The following GOPC variants were observed in gnomAD, a reference collection of about 807,000 sequenced individuals.
The protein encoded by GOPC is Golgi-associated PDZ and coiled-coil motif-containing protein.
In GOPC, 32 loss-of-function variants were observed where a neutral mutation model predicts 51.2. The ratio of observed to expected loss-of-function variants is 0.63; its 90% confidence interval spans 0.47 to 0.84. The LOEUF (loss-of-function observed/expected upper bound fraction) is 0.84, where lower values mean the gene tolerates loss of function less well. Among genes scored for constraint, GOPC ranks in the 40% least tolerant of loss-of-function variants. GOPC has a pLI of 0.00. For missense variants in GOPC, 441 were observed against 555.5 expected (o/e 0.79, Z 2.07); for synonymous variants, 190 against 205.1 (o/e 0.93, Z 0.63).
rs772421140 is a variant in GOPC, at chr6:117,578,991, T to G, written c.359A>C (p.His120Pro). 1.2e-6 allele frequency: 2 copies of G among 1,612,422 alleles called. No individual in the cohort carries two copies. Among genetic ancestry groups the G allele is most frequent in the Admixed American group, 3.3e-5 (2 of 59,756 alleles). Reference protein sequence around the residue: ...AEKVVLEKEVHDQLLQLHSIQ... With the variant: ...AEKVVLEKEVPDQLLQLHSIQ... Reference sequence around the variant, plus strand: ...AGAGTGCAGCTGTAAAAGCTGATCATGTACTTCTTTCTCCAAAACAACTTT... The same window carrying G: ...AGAGTGCAGCTGTAAAAGCTGATCAGGTACTTCTTTCTCCAAAACAACTTT... Residue 120 changes from histidine (H) to proline (P), a missense_variant, in exon 2 of 9, where the codon CAT (histidine) becomes CCT (proline). Transcript: ENST00000368498.
chr6:117,593,491 C>T (rs1780149141), intron 1 of GOPC, among the ~76,000 whole-genome samples: 1 of 152,206 alleles, frequency 6.6e-6, no homozygotes, highest in Admixed American at 6.5e-5. Flanking sequence ...TTCTTGCTAT[C>T]TATTCAGCCA....
chr6:117,600,817 A>G (rs989465481), intron 1 of GOPC, among the ~76,000 whole-genome samples: 2 of 152,368 alleles, frequency 1.3e-5, no homozygotes, highest in Middle Eastern at 3.4e-3. Context: ...CCTTCATATT[A>G]GCACTTTCTA....
At chr6:117,570,160 G>A (rs1023372220) in intron 6 of GOPC, among the ~76,000 whole-genome samples, 5 of 151,202 alleles carry the variant, frequency 3.3e-5, no homozygotes, top group African/African-American at 1.2e-4. Flanking sequence ...TTATATCATT[G>A]TTGCGTGTGT....
chr6:117,598,341 C>T (rs1771916563), intron 1 of GOPC, among the ~76,000 whole-genome samples: 1 of 151,946 alleles, frequency 6.6e-6, no homozygotes, highest in African/African-American at 2.4e-5. Flanking sequence ...CCACTGCACT[C>T]CAGCCTGGGT....
intron 4 of GOPC, 92 bp downstream of exon 4, chr6:117,575,085 A>G (rs535420322): frequency 1.2e-5 from 13 of 1,057,850 alleles, no homozygotes; most frequent in Middle Eastern, 2.1e-4. Flanking sequence ...TCTCAAAAAA[A>G]TAAAAAATAA....
chr6:117,598,303 T>A (rs1771915810), intron 1 of GOPC, among the ~76,000 whole-genome samples: 1 of 151,390 alleles, frequency 6.6e-6, no homozygotes, highest in African/African-American at 2.4e-5. Context: ...GAGCTGGGAG[T>A]TGGAGGCCAC....
intron 1 of GOPC, among the ~76,000 whole-genome samples, chr6:117,590,520 C>A (rs945875854): frequency 7.3e-6 from 1 of 137,286 alleles, no homozygotes; most frequent in Non-Finnish European, 1.5e-5. Flanking sequence ...TGCAGTAAGC[C>A]ATGATCGTGT....
At chr6:117,600,010 G>A (rs956878616) in intron 1 of GOPC, among the ~76,000 whole-genome samples, 3 of 152,106 alleles carry the variant, frequency 2.0e-5, no homozygotes, top group African/African-American at 4.8e-5. Flanking sequence ...GAAATTTCTC[G>A]TGTGATGTTT....
chr6:117,584,874 C>G (rs919141516), intron 1 of GOPC, among the ~76,000 whole-genome samples: 1 of 151,326 alleles, frequency 6.6e-6, no homozygotes, highest in Admixed American at 6.6e-5. Context: ...AGTCTGTGAC[C>G]TCCCCCACCT....
chr6:117,586,412 T>C (rs1780033562), intron 1 of GOPC, among the ~76,000 whole-genome samples: 1 of 151,956 alleles, frequency 6.6e-6, no homozygotes, highest in Non-Finnish European at 1.5e-5. Flanking sequence ...CAATTCCATT[T>C]TATCTGGCAA....
intron 1 of GOPC, among the ~76,000 whole-genome samples, chr6:117,596,059 T>C (rs553578801): frequency 4.6e-4 from 69 of 149,512 alleles, no homozygotes; most frequent in South Asian, 1.7e-3. Context: ...TGCCAACATC[T>C]ATTTTTTTTT....
chr6:117,592,306 G>A (rs1780130565), intron 1 of GOPC, among the ~76,000 whole-genome samples: 2 of 152,124 alleles, frequency 1.3e-5, no homozygotes, highest in Non-Finnish European at 2.9e-5. Context: ...GGCAGAGGTT[G>A]CAGTGAGCCG....
intron 1 of GOPC, 100 bp from the exon 2 acceptor site, chr6:117,579,164 A>C: frequency 4.6e-6 from 4 of 869,166 alleles, no homozygotes; most frequent in Non-Finnish European, 6.8e-6. Flanking sequence ...CTACCTTTGA[A>C]ATAAATACAC....
chr6:117,566,582 G>A lies in GOPC; in HGVS notation c.1258+272C>T, dbSNP rs146530360. On this transcript the variant is annotated intron_variant, in intron 8 of 8. Transcript: ENST00000368498. ...ATAGTATATTGGTCTTTGTTTCAGA[G>A]TCTAGAAAAAATTTTATTTATTTTT... Among the ~76,000 whole-genome samples, 52 of 152,216 alleles carry A rather than the reference G, an allele frequency of 3.4e-4. No homozygotes were observed. The East Asian group carries it at 8.5e-3, about 25-fold the overall frequency.
At chr6:117,589,487 T>G (rs542432553) in intron 1 of GOPC, among the ~76,000 whole-genome samples, 1 of 152,302 alleles carries the variant, frequency 6.6e-6, no homozygotes, top group East Asian at 1.9e-4. Flanking sequence ...TCCTGGCAAA[T>G]ATTTTATTTT....
At chr6:117,596,066 T>TA (rs1474206407) in intron 1 of GOPC, among the ~76,000 whole-genome samples, 1 of 152,118 alleles carries the variant, frequency 6.6e-6, no homozygotes, top group African/African-American at 2.4e-5. Flanking sequence ...ATCTATTTTT[T>TA]TTTATTTTTT....
chr6:117,564,875 T>G (rs1035685997), intron 8 of GOPC, among the ~76,000 whole-genome samples: 3 of 152,194 alleles, frequency 2.0e-5, no homozygotes, highest in African/African-American at 7.2e-5. Flanking sequence ...TACTGCTATC[T>G]TTGTGCAGAC....
chr6:117,597,923 C>A, intron 1 of GOPC, among the ~76,000 whole-genome samples: 1 of 150,520 alleles, frequency 6.6e-6, no homozygotes, highest in Non-Finnish European at 1.5e-5. Context: ...GGTATATATA[C>A]ACAAAGGAAT....
intron 5 of GOPC, among the ~76,000 whole-genome samples, chr6:117,571,648 T>C (rs1404860496): frequency 6.6e-6 from 1 of 152,126 alleles, no homozygotes; most frequent in Non-Finnish European, 1.5e-5. Context: ...TCATATCTAC[T>C]TCCTTGCCAC....
Sources: gnomAD v4.1 joint callset for allele counts (sites outside exome capture counted in the v4.1 genomes callset) on GRCh38, gnomAD v4.1.1 for gene constraint, MANE v1.5 for transcripts, NCBI Gene and HGNC (gene_info 2026-07-23, HGNC 2026-07-21) for gene names.